The following ZNF438 variants were observed in gnomAD, a reference collection of about 807,000 sequenced individuals.
The protein encoded by ZNF438 is zinc finger protein 438.
In ZNF438, 25 loss-of-function variants were observed where a neutral mutation model predicts 38.0. The observed-to-expected ratio is 0.66, with a 90% CI of 0.48 to 0.92. The LOEUF is 0.92. Among genes scored for constraint, ZNF438 ranks in the 40% least tolerant of loss-of-function variants. ZNF438 has a pLI of 0.00. For missense variants in ZNF438, 1,007 were observed against 999.6 expected (o/e 1.01, Z -0.10); for synonymous variants, 372 against 364.1 (o/e 1.02, Z -0.25).
chr10:30,855,903 T>C (rs1414003320), intron 4 of ZNF438, among the ~76,000 whole-genome samples: 2 of 152,216 alleles, frequency 1.3e-5, no homozygotes, highest in African/African-American at 2.4e-5. Flanking sequence ...TGGAGGGACC[T>C]GGAGGAACTA....
At chr10:30,852,222 T>C (rs2033787320) in intron 4 of ZNF438, among the ~76,000 whole-genome samples, 1 of 152,226 alleles carries the variant, frequency 6.6e-6, no homozygotes, top group South Asian at 2.1e-4. Context: ...TTTCTTTTTT[T>C]TTTTTGAGAC....
chr10:30,845,919 C>G (rs1242968355), intron 5 of ZNF438, among the ~76,000 whole-genome samples: 3 of 152,134 alleles, frequency 2.0e-5, no homozygotes. Context: ...ACGGGAACAC[C>G]CTCGGTTCTG....
intron 2 of ZNF438, among the ~76,000 whole-genome samples, chr10:30,931,030 G>A (rs74134320): frequency 8.7e-4 from 132 of 152,164 alleles, no homozygotes; most frequent in African/African-American, 2.4e-3. Context: ...CCCCTCTACT[G>A]GAGCACTGGG....
At chr10:30,844,841 C>T in exon 6 of ZNF438, 1 of 1,240,490 alleles carries the variant, frequency 8.1e-7, no homozygotes. Flanking sequence ...AAAATCATTT[C>T]TGTTCACTCA....
chr10:30,870,529 G>C (rs1046385692), intron 4 of ZNF438, among the ~76,000 whole-genome samples: 1 of 151,994 alleles, frequency 6.6e-6, no homozygotes, highest in African/African-American at 2.4e-5. Flanking sequence ...CCTAACACAA[G>C]AGAACTGGGA....
rs770329352 is a variant in ZNF438, at chr10:30,876,951, A to G, written c.37+47T>C. The G allele has an allele frequency of 8.7e-6, 13 of 1,498,656 alleles. No individual in the cohort carries two copies. In the East Asian group the frequency reaches 9.4e-5, roughly 11 times the overall value. 92.8% of individuals were successfully genotyped at this position (1,498,656 alleles called of 1,614,324 possible). Reference sequence around the variant, plus strand: ...TCAATGACATTCAATGTATCAAATTAAAACTATAACAGACTCATCACCATT... The same window carrying G: ...TCAATGACATTCAATGTATCAAATTGAAACTATAACAGACTCATCACCATT... On this transcript the variant is annotated intron_variant, in intron 4 of 5. Transcript: ENST00000413025.
At chr10:30,906,522 G>C (rs1165870860) in intron 3 of ZNF438, among the ~76,000 whole-genome samples, 1 of 152,088 alleles carries the variant, frequency 6.6e-6, no homozygotes, top group Non-Finnish European at 1.5e-5. Flanking sequence ...TACAAATAGA[G>C]AACGTTTTTC....
intron 1 of ZNF438, among the ~76,000 whole-genome samples, chr10:31,009,662 T>G (rs113897962): frequency 0.012 from 1,816 of 152,264 alleles, 42 homozygotes; most frequent in African/African-American, 0.04. Context: ...CAAACAGTCC[T>G]GACAAAGAAA....
At chr10:30,971,664 G>A (rs912944128) in intron 1 of ZNF438, among the ~76,000 whole-genome samples, 1 of 151,830 alleles carries the variant, frequency 6.6e-6, no homozygotes, top group Non-Finnish European at 1.5e-5. Context: ...TATAGTTAAC[G>A]TGTTCAAATT....
rs557300700 is a variant in ZNF438, at chr10:30,928,450, T to C, written c.-115+13125A>G. 4.7e-3 allele frequency among the ~76,000 whole-genome samples: 714 copies of C among 152,208 alleles called. 2 individuals are homozygous for C. Among genetic ancestry groups the C allele is most frequent in the Non-Finnish European group, 7.9e-3 (538 of 68,022 alleles). The stretch of plus-strand genomic sequence containing the variant: ...AAACTAATACTCTACATTGAAACTT[T>C]GTTATTTATCATGATCCAGTGGTAC... On this transcript the variant is annotated intron_variant, in intron 2 of 5. Coordinates refer to ENST00000413025, the Ensembl canonical transcript of ZNF438.
chr10:30,862,138 G>T (rs1315065235), intron 4 of ZNF438, among the ~76,000 whole-genome samples: 2 of 152,094 alleles, frequency 1.3e-5, no homozygotes, highest in Non-Finnish European at 2.9e-5. Context: ...ACAAATACCT[G>T]TGCACGCTGT....
At chr10:30,935,020 A>G (rs1442899287) in intron 2 of ZNF438, among the ~76,000 whole-genome samples, 1 of 152,120 alleles carries the variant, frequency 6.6e-6, no homozygotes, top group Admixed American at 6.5e-5. Flanking sequence ...TTTAATCTTT[A>G]TTGTTGTTAT....
intron 3 of ZNF438, among the ~76,000 whole-genome samples, chr10:30,903,968 A>C (rs1186423330): frequency 2.6e-5 from 4 of 152,016 alleles, no homozygotes; most frequent in African/African-American, 7.2e-5. Context: ...TGCAGCCCTC[A>C]GAACTTTAGT....
intron 4 of ZNF438, among the ~76,000 whole-genome samples, chr10:30,855,416 G>C (rs1367047705): frequency 2.0e-5 from 3 of 152,232 alleles, no homozygotes; most frequent in Non-Finnish European, 4.4e-5. Flanking sequence ...ATCACAAAGA[G>C]TTTGTGGGGT....
At chr10:31,015,015 G>T (rs2056072542) in intron 1 of ZNF438, among the ~76,000 whole-genome samples, 1 of 152,110 alleles carries the variant, frequency 6.6e-6, no homozygotes, top group Non-Finnish European at 1.5e-5. Flanking sequence ...ATGCCACCAT[G>T]CCCAGTTAAT....
At chr10:30,874,243 T>G (rs1025146858) in intron 4 of ZNF438, among the ~76,000 whole-genome samples, 1 of 150,898 alleles carries the variant, frequency 6.6e-6, no homozygotes, top group Non-Finnish European at 1.5e-5. Flanking sequence ...CAAACTCCTA[T>G]GCTCAAGCAA....
At chr10:30,888,725 A>G (rs1235167837) in intron 3 of ZNF438, among the ~76,000 whole-genome samples, 1 of 152,178 alleles carries the variant, frequency 6.6e-6, no homozygotes, top group Non-Finnish European at 1.5e-5. Context: ...TTATGGCTGC[A>G]TCGTATTCCA....
chr10:31,019,797 T>C (rs1364294803), intron 1 of ZNF438, among the ~76,000 whole-genome samples: 1 of 152,228 alleles, frequency 6.6e-6, no homozygotes, highest in Non-Finnish European at 1.5e-5. Flanking sequence ...ATTTATTTGT[T>C]GCTTACCTGA....
At chr10:30,913,078 G>A (rs1363732766) in intron 2 of ZNF438, among the ~76,000 whole-genome samples, 7 of 151,802 alleles carry the variant, frequency 4.6e-5, no homozygotes, top group Admixed American at 3.3e-4. Context: ...CACTAAAATG[G>A]CCTGTAACCA....
Sources: allele counts gnomAD v4.1 joint callset (sites outside exome capture counted in the v4.1 genomes callset), GRCh38; gene constraint gnomAD v4.1.1; transcripts MANE v1.5; gene names NCBI Gene and HGNC (gene_info 2026-07-23, HGNC 2026-07-21).